Variants in PRKAR2A observed in about 807,000 individuals in gnomAD.
The protein encoded by PRKAR2A is cAMP-dependent protein kinase type II-alpha regulatory subunit.
In PRKAR2A, 29 loss-of-function variants were observed where a neutral mutation model predicts 51.9. The ratio of observed to expected loss-of-function variants is 0.56; its 90% CI spans 0.42 to 0.76. PRKAR2A has a LOEUF of 0.76. PRKAR2A is among the 30% of genes least tolerant of loss of function. PRKAR2A has a pLI of 0.00. For missense variants in PRKAR2A, 445 were observed against 512.1 expected, an observed-to-expected ratio of 0.87 and a Z score of 1.26; for synonymous variants, 178 against 186.2, an observed-to-expected ratio of 0.96 and a Z score of 0.36.
intron 1 of PRKAR2A, among the ~76,000 whole-genome samples, chr3:48,846,258 C>T (rs1484867544): frequency 1.3e-5 from 2 of 150,466 alleles, no homozygotes; most frequent in Non-Finnish European, 2.9e-5. Context: ...CTCTGTCGCC[C>T]AGGCTGGAGT....
At chr3:48,796,709 C>T (rs1463897537) in intron 2 of PRKAR2A, among the ~76,000 whole-genome samples, 16 of 144,916 alleles carry the variant, frequency 1.1e-4, no homozygotes, top group African/African-American at 2.8e-4. Flanking sequence ...AGGCTGGTCT[C>T]GAACTCCTGA....
At chr3:48,780,172 A>C (rs897555203) in intron 5 of PRKAR2A, among the ~76,000 whole-genome samples, 30 of 151,938 alleles carry the variant, frequency 2.0e-4, no homozygotes, top group Admixed American at 8.5e-4. Flanking sequence ...CCAAAAAAAA[A>C]CAAAAAAACC....
At chr3:48,810,995 A>G (rs934068649) in intron 1 of PRKAR2A, among the ~76,000 whole-genome samples, 3 of 152,024 alleles carry the variant, frequency 2.0e-5, no homozygotes, top group Non-Finnish European at 4.4e-5. Flanking sequence ...CGCACAACAT[A>G]GAAAGACCCC....
intron 2 of PRKAR2A, among the ~76,000 whole-genome samples, chr3:48,799,144 A>C (rs1308344387): frequency 6.6e-6 from 1 of 152,182 alleles, no homozygotes; most frequent in Non-Finnish European, 1.5e-5. Context: ...GCTGCTTGCC[A>C]CAGTACACAA....
At chr3:48,793,878 A>G in intron 3 of PRKAR2A, 119 bp downstream of exon 3, 1 of 851,908 alleles carries the variant, frequency 1.2e-6, no homozygotes, top group Non-Finnish European at 1.9e-6. Context: ...TAAAAATGTC[A>G]CTTCAGTGAT....
At chr3:48,844,666 G>GA (rs1297102598) in intron 1 of PRKAR2A, among the ~76,000 whole-genome samples, 4 of 149,818 alleles carry the variant, frequency 2.7e-5, no homozygotes, top group Middle Eastern at 3.4e-3. Flanking sequence ...CATAAAAAAT[G>GA]ATGAGTTCAT....
intron 6 of PRKAR2A, among the ~76,000 whole-genome samples, chr3:48,768,570 C>T (rs542745278): frequency 1.3e-5 from 2 of 151,514 alleles, no homozygotes; most frequent in East Asian, 3.9e-4. Flanking sequence ...TGGTGGTGTA[C>T]ACCTATAGTC....
intron 2 of PRKAR2A, among the ~76,000 whole-genome samples, chr3:48,804,419 C>T (rs2082641363): frequency 6.6e-6 from 1 of 152,018 alleles, no homozygotes; most frequent in African/African-American, 2.4e-5. Flanking sequence ...CGTGATCATG[C>T]CACTGCACTC....
Position 48,847,675 on chromosome 3 carries a change from C to A in PRKAR2A, c.-79G>T. The A allele has an allele frequency of 7.4e-7, 1 of 1,346,086 alleles. No individual in the cohort carries two copies. Among genetic ancestry groups the A allele is most frequent in the Non-Finnish European group, 9.6e-7 (1 of 1,043,254 alleles). The allele number at this position is 1,346,086 out of a possible 1,614,324, so 83.4% of individuals were successfully genotyped here. A position where few individuals can be genotyped will look rare whatever the true frequency, so the allele number is the denominator to read the frequency against. On this transcript the variant is annotated 5_prime_UTR_variant, in exon 1 of 11. Coordinates refer to ENST00000265563, the MANE Select transcript of PRKAR2A (RefSeq NM_004157.4). This position sits in a 1 kb window ranked among gnomAD's most constrained non-coding sequence, Gnocchi z 4.4. ...CGCGCTCACTCACGCCGGCCTTTCG[C>A]TCCGCGCCCGCGAGGTCTCTTCGCG...
chr3:48,753,152 C>A (rs1048068760), intron 9 of PRKAR2A, among the ~76,000 whole-genome samples: 1 of 151,588 alleles, frequency 6.6e-6, no homozygotes, highest in Non-Finnish European at 1.5e-5. Flanking sequence ...CCAGTATAGT[C>A]TCCATCTGCT....
At chr3:48,762,923 T>G (rs1007576504) in intron 8 of PRKAR2A, among the ~76,000 whole-genome samples, 11 of 152,180 alleles carry the variant, frequency 7.2e-5, no homozygotes, top group Non-Finnish European at 1.0e-4. Context: ...TATACTAAAT[T>G]GTAGAAAGGA....
Position 48,818,351 on chromosome 3 carries a change from T to C in PRKAR2A, c.263-10667A>G, listed in dbSNP as rs574990074. On this transcript the variant is annotated intron_variant, in intron 1 of 10. Coordinates refer to ENST00000265563, the MANE Select transcript of PRKAR2A (RefSeq NM_004157.4). ...TATACCACTAATCTTTAGTCTGTCA[T>C]TTTACAATATAAGCCATTCATTTTT... is the stretch of plus-strand genomic sequence containing the variant. 4.6e-5 allele frequency among the ~76,000 whole-genome samples: 7 copies of C among 152,368 alleles called. 1 individual carries two copies. Among genetic ancestry groups the C allele is most frequent in the African/African-American group, 1.4e-4 (6 of 41,590 alleles).
intron 8 of PRKAR2A, among the ~76,000 whole-genome samples, chr3:48,759,198 C>G (rs2081824137): frequency 1.3e-5 from 2 of 152,110 alleles, no homozygotes; most frequent in South Asian, 4.1e-4. Flanking sequence ...ATGAAACAGC[C>G]TGGTTAGGCT....
intron 1 of PRKAR2A, among the ~76,000 whole-genome samples, chr3:48,829,601 C>CGTGTGTATACACACACAT (rs1396458933): frequency 1.5e-5 from 1 of 68,834 alleles, no homozygotes; most frequent in African/African-American, 5.7e-5. Flanking sequence ...TATACACACA[C>CGTGTGTATACACACACAT]ATAAATGTGT....
At chr3:48,772,058 T>A (rs2082037024) in intron 6 of PRKAR2A, among the ~76,000 whole-genome samples, 1 of 152,174 alleles carries the variant, frequency 6.6e-6, no homozygotes, top group Non-Finnish European at 1.5e-5. Context: ...CACTGTCATG[T>A]CTTTCCTCAA....
At chr3:48,842,316 G>A (rs1276098493) in intron 1 of PRKAR2A, among the ~76,000 whole-genome samples, 2 of 152,192 alleles carry the variant, frequency 1.3e-5, no homozygotes, top group Admixed American at 6.5e-5. Context: ...ATTTGGGGCT[G>A]AGACAATGGG....
chr3:48,826,620 C>T (rs948041647), intron 1 of PRKAR2A, among the ~76,000 whole-genome samples: 1 of 152,126 alleles, frequency 6.6e-6, no homozygotes, highest in Non-Finnish European at 1.5e-5. Context: ...ATTAGACTTC[C>T]TCAAGCATCA....
chr3:48,745,200 G>A (rs1472083150), downstream of PRKAR2A, among the ~76,000 whole-genome samples: 7 of 135,444 alleles, frequency 5.2e-5, no homozygotes, highest in East Asian at 2.2e-4. Context: ...TTCAGACACC[G>A]TGCCAGGCTA....
At chr3:48,830,501 C>G (rs2107439107) in intron 1 of PRKAR2A, among the ~76,000 whole-genome samples, 2 of 152,194 alleles carry the variant, frequency 1.3e-5, no homozygotes, top group Admixed American at 1.3e-4. Flanking sequence ...ATTAAAAGTA[C>G]AGTATAACTA....
Sources: allele counts gnomAD v4.1 joint callset (sites outside exome capture counted in the v4.1 genomes callset), GRCh38; gene constraint gnomAD v4.1.1; non-coding constraint Gnocchi (gnomAD v3.1); transcripts MANE v1.5; gene names NCBI Gene and HGNC (gene_info 2026-07-23, HGNC 2026-07-21).